Variants in TCTN2 observed in about 807,000 individuals in gnomAD.
TCTN2 encodes the protein tectonic-2.
Under a neutral mutation model 83.4 loss-of-function variants are expected in TCTN2, and 66 were observed. The observed-to-expected ratio is 0.79, with a 90% CI of 0.65 to 0.97. TCTN2 has a LOEUF of 0.97. Among genes scored for constraint, TCTN2 ranks in the 50% least tolerant of loss-of-function variants. The probability of loss-of-function intolerance (pLI) is 0.00; values close to 1 mark genes in which losing one functional copy is unlikely to be tolerated. For missense variants in TCTN2, 794 were observed against 858.1 expected, an observed-to-expected ratio of 0.93 and a Z score of 0.93; for synonymous variants, 301 against 326.7, an observed-to-expected ratio of 0.92 and a Z score of 0.85.
intron 14 of TCTN2, among the ~76,000 whole-genome samples, chr12:123,703,032 A>G (rs1956189906): frequency 6.6e-6 from 1 of 152,200 alleles, no homozygotes; most frequent in South Asian, 2.1e-4. Flanking sequence ...GGTTTTCTCC[A>G]AGACGAATGC....
At position 123,708,236 on chromosome 12, in the gene TCTN2, G is replaced by T. The variant is rs977777592; in HGVS notation, c.*523G>T. 1 of 168,754 alleles carries T rather than the reference G, an allele frequency of 5.9e-6. No homozygotes were observed. Among genetic ancestry groups the T allele is most frequent in the African/African-American group, 2.4e-5 (1 of 41,424 alleles). 10.5% of individuals were successfully genotyped at this position (168,754 alleles called of 1,614,324 possible). Reference sequence around the variant, plus strand: ...TGTAACTCCTGAGCTCAGATGATCTGCCCACCTCGGCCTCCCAAAGTGCTG... The same window carrying T: ...TGTAACTCCTGAGCTCAGATGATCTTCCCACCTCGGCCTCCCAAAGTGCTG... On this transcript the variant is annotated 3_prime_UTR_variant, in exon 18 of 18. Transcript: ENST00000303372.
intron 14 of TCTN2, among the ~76,000 whole-genome samples, chr12:123,700,979 TAAAAC>T (rs567628701): frequency 7.2e-5 from 11 of 152,110 alleles, no homozygotes; most frequent in Non-Finnish European, 1.6e-4. Context: ...TAAAATACAT[TAAAAC>T]AAAGTCCAAG....
rs978753214 is a variant in TCTN2 at position 123,704,741 on chromosome 12, A to G, written c.1769+53A>G. 4 of 1,587,062 alleles carry G rather than the reference A, an allele frequency of 2.5e-6. No homozygotes were observed. In the African/African-American group the frequency reaches 5.4e-5, roughly 21 times the overall value. On this transcript the variant is annotated intron_variant, in intron 15 of 17. Coordinates refer to ENST00000303372, the MANE Select transcript of TCTN2 (RefSeq NM_024809.5). ...TTTAGAGAGAGTCAGGAAAGTTGAGAGCATCCCAAACAATAGGGAAATGTT... is the reference window on the plus strand; with the variant it reads ...TTTAGAGAGAGTCAGGAAAGTTGAGGGCATCCCAAACAATAGGGAAATGTT...
chr12:123,687,151 C>G (rs1252359278), intron 6 of TCTN2, 116 bp downstream of exon 6: 1 of 1,205,240 alleles, frequency 8.3e-7, no homozygotes. Context: ...CCAGAGGTTC[C>G]GTGCCTAAAG....
At position 123,676,032 on chromosome 12, in the gene TCTN2, A is replaced by G. The variant is rs572076730; in HGVS notation, c.463+2222A>G. 9.9e-5 allele frequency among the ~76,000 whole-genome samples: 15 copies of G among 152,212 alleles called. No homozygotes were observed. In the East Asian group the frequency reaches 1.7e-3, roughly 18 times the overall value. ...GGTGGCTCATGCCTGTAATCCCAACACTTTTAGAGGCTGAGGTGAGTGGGC... is the reference window on the plus strand; with the variant it reads ...GGTGGCTCATGCCTGTAATCCCAACGCTTTTAGAGGCTGAGGTGAGTGGGC... On this transcript the variant is annotated intron_variant, in intron 4 of 17. Coordinates refer to ENST00000303372, the MANE Select transcript of TCTN2 (RefSeq NM_024809.5).
At chr12:123,671,951 C>A in intron 2 of TCTN2, 105 bp from the exon 3 acceptor site, 2 of 954,730 alleles carry the variant, frequency 2.1e-6, no homozygotes, top group Non-Finnish European at 1.7e-6. Context: ...TTGTAAAGGG[C>A]CCAATCTTAG....
intron 5 of TCTN2, among the ~76,000 whole-genome samples, chr12:123,682,630 T>C (rs1460920926): frequency 1.3e-5 from 2 of 151,932 alleles, no homozygotes; most frequent in Non-Finnish European, 2.9e-5. Flanking sequence ...TACAGGTGCG[T>C]GCCACCACGC....
chr12:123,699,919 T>C lies in TCTN2; in HGVS notation c.1612+109T>C, dbSNP rs1007413405. ...GTAGGTCATCTTCCTGAGGCTTGAC[T>C]GCGGCTTAACTGGACGTTTGCCCAG... is the stretch of plus-strand genomic sequence containing the variant. On this transcript the variant is annotated intron_variant, in intron 14 of 17. Transcript: ENST00000303372. The C allele has an allele frequency of 3.1e-5, 27 of 876,670 alleles. No individual in the cohort carries two copies. In the African/African-American group the frequency reaches 4.1e-4, roughly 13 times the overall value. 54.3% of individuals were successfully genotyped at this position (876,670 alleles called of 1,614,324 possible).
intron 5 of TCTN2, among the ~76,000 whole-genome samples, chr12:123,684,942 C>G (rs1955945695): frequency 6.6e-6 from 1 of 150,746 alleles, no homozygotes; most frequent in Non-Finnish European, 1.5e-5. Context: ...CCCAGCTACT[C>G]AGGAGGCTGA....
chr12:123,671,423 A>T, intron 1 of TCTN2, 84 bp from the exon 2 acceptor site: 1 of 1,588,930 alleles, frequency 6.3e-7, no homozygotes, highest in Non-Finnish European at 8.6e-7. Flanking sequence ...GGAGTCGACA[A>T]CGCCAAAGCA....
At chr12:123,676,118 A>G (rs1034432357) in intron 4 of TCTN2, among the ~76,000 whole-genome samples, 4 of 152,122 alleles carry the variant, frequency 2.6e-5, no homozygotes. Context: ...GTCTCTACAA[A>G]CAAATACTAC....
chr12:123,677,914 G>A (rs1955844353), intron 4 of TCTN2, among the ~76,000 whole-genome samples: 1 of 152,160 alleles, frequency 6.6e-6, no homozygotes, highest in South Asian at 2.1e-4. Flanking sequence ...ACGGGCCTGA[G>A]CCACTGTGCC....
rs762789241 is a variant in TCTN2, at chr12:123,672,084, G to A, written c.219G>A (p.Val73=). The A allele has an allele frequency of 6.2e-7, 1 of 1,614,170 alleles. No individual in the cohort carries two copies. Among genetic ancestry groups the A allele is most frequent in the South Asian group, 1.1e-5 (1 of 91,088 alleles). ...TATTGCCAATTCCGACGTGTGGAGT[G>A]CTGAACAATGAGACGGAAGACTGGA... ...AGILPIPTCG[V]LNNETEDWSV... The change falls in exon 3 of 18, where the codon GTG becomes GTA. Residue 73 remains valine (V), a synonymous_variant. Coordinates refer to ENST00000303372, the MANE Select transcript of TCTN2 (RefSeq NM_024809.5).
Position 123,707,059 on chromosome 12 carries a change from C to T in TCTN2, c.1970C>T (p.Thr657Ile). Residue 657 changes from threonine (T) to isoleucine (I), a missense_variant, in exon 17 of 18, where the codon ACT (threonine) becomes ATT (isoleucine). Transcript: ENST00000303372. ...VCWPQLLYPW[T>I]QYYQGELHSQ... Reference sequence around the variant, plus strand: ...TGGCCGCAGCTTCTATATCCATGGACTCAGTATTATCAAGGTAGGGTGAAA... The same window carrying T: ...TGGCCGCAGCTTCTATATCCATGGATTCAGTATTATCAAGGTAGGGTGAAA... 6.2e-7 allele frequency: 1 copy of T among 1,613,260 alleles called. No individual in the cohort carries two copies. Among genetic ancestry groups the T allele is most frequent in the South Asian group, 1.1e-5 (1 of 91,056 alleles).
Position 123,672,046 on chromosome 12 carries a change from C to G in TCTN2, c.191-10C>G. 6.2e-7 allele frequency: 1 copy of G among 1,613,874 alleles called. No homozygotes were observed. Among genetic ancestry groups the G allele is most frequent in the East Asian group, 2.2e-5 (1 of 44,880 alleles). On this transcript the variant is annotated splice_polypyrimidine_tract_variant and intron_variant, in intron 2 of 17. Coordinates refer to ENST00000303372, the MANE Select transcript of TCTN2 (RefSeq NM_024809.5). ...CTTGCTGCCTTTGCATGCTGGTCTT[C>G]TTTCTTTAGGAATATTGCCAATTCC...
chr12:123,707,468 C>T, intron 17 of TCTN2, 136 bp from the exon 18 acceptor site: 1 of 814,552 alleles, frequency 1.2e-6, no homozygotes, highest in Non-Finnish European at 2.1e-6. Flanking sequence ...CTCGAACTGG[C>T]CTCAAGTGAT....
Position 123,690,669 on chromosome 12 carries a change from T to C in TCTN2, c.1028T>C (p.Leu343Ser). ...IINAKIKNVALGGIVTPKVIY... is the reference protein window; with the variant it reads ...IINAKIKNVASGGIVTPKVIY... ...AATGCGAAGATAAAGAATGTTGCCT[T>C]AGGAGGTATGTTACATTTCTTTGAA... The change falls in exon 8 of 18, where the codon TTA (leucine) becomes TCA (serine). Residue 343 changes from leucine (L) to serine (S), a missense_variant. Transcript: ENST00000303372. The C allele has an allele frequency of 6.2e-7, 1 of 1,614,124 alleles. No homozygotes were observed. The highest frequency in any genetic ancestry group is 8.5e-7 in the Non-Finnish European group (1 of 1,180,022).
At chr12:123,672,194 A>C (rs1955762807) in intron 3 of TCTN2, 62 bp downstream of exon 3, 5 of 1,376,078 alleles carry the variant, frequency 3.6e-6, no homozygotes, top group Admixed American at 3.4e-5. Context: ...GGGTTTCTGC[A>C]GTGCTCTCTT....
intron 5 of TCTN2, among the ~76,000 whole-genome samples, chr12:123,686,577 C>G (rs1215946301): frequency 6.6e-6 from 1 of 152,184 alleles, no homozygotes; most frequent in African/African-American, 2.4e-5. Flanking sequence ...GGGAATATCT[C>G]ATGTCCTTGG....
Sources: allele counts gnomAD v4.1 joint callset (sites outside exome capture counted in the v4.1 genomes callset), GRCh38; gene constraint gnomAD v4.1.1; transcripts MANE v1.5; gene names NCBI Gene and HGNC (gene_info 2026-07-23, HGNC 2026-07-21).